Variants in MGMT observed in about 807,000 individuals in gnomAD.
The protein encoded by MGMT is O-6-methylguanine-DNA methyltransferase, also known as methylated-DNA--protein-cysteine methyltransferase.
Under a neutral mutation model 15.9 loss-of-function variants are expected in MGMT, and 14 were observed. That is an observed-to-expected ratio of 0.88 (90% confidence interval 0.58 to 1.37). The LOEUF (loss-of-function observed/expected upper bound fraction) is 1.37. MGMT is among the 40% of genes most tolerant of loss of function. MGMT has a pLI of 0.00. For missense variants in MGMT, 282 were observed against 268.1 expected (o/e 1.05, Z -0.36); for synonymous variants, 130 against 118.2 (o/e 1.10, Z -0.65).
chr10:129,578,142 A>G (rs1053673486), intron 2 of MGMT, among the ~76,000 whole-genome samples: 7 of 152,212 alleles, frequency 4.6e-5, no homozygotes, highest in Admixed American at 4.6e-4. Context: ...TCAAGGATCT[A>G]GAACTAGAAA....
chr10:129,633,643 T>G (rs1589905396), intron 2 of MGMT, among the ~76,000 whole-genome samples: 1 of 152,290 alleles, frequency 6.6e-6, no homozygotes, highest in South Asian at 2.1e-4. Flanking sequence ...AACAATTACC[T>G]CCCATCTCAC....
chr10:129,504,379 G>GTAGAGAAAGTT (rs1197613886), intron 1 of MGMT, among the ~76,000 whole-genome samples: 2 of 152,184 alleles, frequency 1.3e-5, no homozygotes, highest in African/African-American at 2.4e-5. Flanking sequence ...GGATAGTTGT[G>GTAGAGAAAGTT]TTCTTAGAAA....
intron 2 of MGMT, among the ~76,000 whole-genome samples, chr10:129,602,243 G>A (rs58659420): frequency 0.022 from 3,402 of 151,848 alleles, 133 homozygotes; most frequent in African/African-American, 0.076. Flanking sequence ...AATAGTAATA[G>A]TGATTTCAAG....
At chr10:129,702,903 G>T in intron 2 of MGMT, among the ~76,000 whole-genome samples, 1 of 152,178 alleles carries the variant, frequency 6.6e-6, no homozygotes, top group East Asian at 1.9e-4. Flanking sequence ...GAACTCCCCC[G>T]TGATAAGCGC....
chr10:129,719,169 G>A (rs573199734), intron 3 of MGMT, among the ~76,000 whole-genome samples: 3 of 148,806 alleles, frequency 2.0e-5, no homozygotes, highest in African/African-American at 5.0e-5. Context: ...CCGCTCAGGC[G>A]TGTCACCTTC....
intron 2 of MGMT, among the ~76,000 whole-genome samples, chr10:129,662,816 A>G (rs542244279): frequency 1.3e-5 from 2 of 152,312 alleles, no homozygotes; most frequent in East Asian, 3.9e-4. Context: ...CTAAAAAGGC[A>G]TTATAAGAGA....
chr10:129,724,770 A>C (rs182601582), intron 3 of MGMT, among the ~76,000 whole-genome samples: 29 of 152,336 alleles, frequency 1.9e-4, no homozygotes, highest in Admixed American at 1.2e-3. Flanking sequence ...ATTCATTGTA[A>C]AACTCTTCCA....
intron 2 of MGMT, among the ~76,000 whole-genome samples, chr10:129,652,613 C>G (rs1050935525): frequency 1.3e-5 from 2 of 152,216 alleles, no homozygotes; most frequent in Admixed American, 1.3e-4. Context: ...GCACCTGACA[C>G]GGTGCTGTCC....
chr10:129,745,410 C>T (rs1255211189), intron 3 of MGMT, among the ~76,000 whole-genome samples: 1 of 152,112 alleles, frequency 6.6e-6, no homozygotes, highest in African/African-American at 2.4e-5. Flanking sequence ...TCTCCCCACC[C>T]CCATTCCAGC....
At chr10:129,698,896 C>T (rs528808296) in intron 2 of MGMT, among the ~76,000 whole-genome samples, 74 of 152,314 alleles carry the variant, frequency 4.9e-4, no homozygotes, top group African/African-American at 1.6e-3. Context: ...AACAGTCAGG[C>T]ACCGCAAGTG....
rs1848843217 is a variant in MGMT, at chr10:129,759,292, G to C, written c.365G>C (p.Gly122Ala). ...TACCAGCAATTAGCAGCCCTGGCAG[G>C]CAACCCCAAAGCCGCGCGAGCAGTG... Reference protein sequence around the residue: ...ISYQQLAALAGNPKAARAVGG... With the variant: ...ISYQQLAALAANPKAARAVGG... Residue 122 changes from glycine (G) to alanine (A), a missense_variant, in exon 4 of 5, where the codon GGC becomes GCC. Gly to Ala is a moderately conservative substitution (Grantham distance 60, BLOSUM62 0). Coordinates refer to ENST00000651593, the MANE Select transcript of MGMT (RefSeq NM_002412.5). 1.2e-6 allele frequency: 2 copies of C among 1,614,200 alleles called. No individual in the cohort carries two copies. Among genetic ancestry groups the C allele is most frequent in the Non-Finnish European group, 1.7e-6 (2 of 1,180,044 alleles).
At chr10:129,602,643 A>G (rs777579978) in intron 2 of MGMT, among the ~76,000 whole-genome samples, 55 of 152,312 alleles carry the variant, frequency 3.6e-4, no homozygotes, top group African/African-American at 1.3e-3. Flanking sequence ...CACAAGATAC[A>G]TGGGAGGCAA....
chr10:129,583,074 G>A (rs1020969385), intron 2 of MGMT, among the ~76,000 whole-genome samples: 1 of 152,144 alleles, frequency 6.6e-6, no homozygotes, highest in Non-Finnish European at 1.5e-5. Context: ...CTGATAGGCT[G>A]TCTTGCTTCC....
At position 129,550,666 on chromosome 10, in the gene MGMT, G is replaced by A. The variant is rs137994374; in HGVS notation, c.125+14289G>A. Among the ~76,000 whole-genome samples the A allele has an allele frequency of 1.4e-3, 220 of 152,128 alleles. 1 individual carries two copies. The highest frequency in any genetic ancestry group is 4.4e-3 in the African/African-American group (184 of 41,500). On this transcript the variant is annotated intron_variant, in intron 2 of 4. Transcript: ENST00000651593. ...TTCACCGTGTTGCCAGGATGGTCTC[G>A]ATCTCCTGACCTCAGGTGATCCACC...
intron 2 of MGMT, among the ~76,000 whole-genome samples, chr10:129,596,413 G>T (rs1846752009): frequency 6.6e-6 from 1 of 152,174 alleles, no homozygotes; most frequent in African/African-American, 2.4e-5. Flanking sequence ...ATCTTGGAAA[G>T]AAGTGTTCTG....
rs376658894 is a variant in MGMT, at chr10:129,766,770, T to A, written c.415-18T>A. ...GTCCAGATCCCTGACTGACAGTGGC[T>A]GCCCCCCTGTCTTCCAGGTCCCCAT... On this transcript the variant is annotated intron_variant, in intron 4 of 4. Transcript: ENST00000651593. The A allele has an allele frequency of 2.5e-6, 4 of 1,603,956 alleles. No homozygotes were observed. The African/African-American group carries it at 4.0e-5, about 16-fold the overall frequency.
chr10:129,756,717 C>T (rs1207200942), intron 3 of MGMT, among the ~76,000 whole-genome samples: 2 of 152,184 alleles, frequency 1.3e-5, no homozygotes, highest in Non-Finnish European at 2.9e-5. Flanking sequence ...ATCCGCCCGC[C>T]TCGGCCTCCC....
chr10:129,741,932 GAGCCTA>G (rs1255724465), intron 3 of MGMT, among the ~76,000 whole-genome samples: 3 of 152,212 alleles, frequency 2.0e-5, no homozygotes, highest in African/African-American at 7.2e-5. Flanking sequence ...CCGTGGCTCT[GAGCCTA>G]GTGCTCCTTT....
chr10:129,573,069 T>G (rs1846438352), intron 2 of MGMT, among the ~76,000 whole-genome samples: 3 of 152,316 alleles, frequency 2.0e-5, no homozygotes, highest in Admixed American at 2.0e-4. Context: ...TTTAATTTTT[T>G]GGATTTTAAT....
Sources: gnomAD v4.1 joint callset for allele counts (sites outside exome capture counted in the v4.1 genomes callset) on GRCh38, gnomAD v4.1.1 for gene constraint, MANE v1.5 for transcripts, NCBI Gene and HGNC (gene_info 2026-07-23, HGNC 2026-07-21) for gene names.